SPATA16: variants seen among roughly 807,000 people sequenced by gnomAD.
The protein encoded by SPATA16 is spermatogenesis associated 16, also known as spermatogenesis-associated protein 16.
In SPATA16, 36 loss-of-function variants were observed where a neutral mutation model predicts 63.3. The observed-to-expected ratio is 0.57, with a 90% CI of 0.44 to 0.75. The LOEUF (loss-of-function observed/expected upper bound fraction) is 0.75. Ranked by LOEUF, SPATA16 falls within the 30% of genes least tolerant of loss-of-function variation. The pLI is 0.00. For missense variants in SPATA16, 646 were observed against 679.3 expected (o/e 0.95, Z 0.54); for synonymous variants, 203 against 216.7 (o/e 0.94, Z 0.56).
At chr3:173,037,504 T>G (rs1735740336) in intron 3 of SPATA16, among the ~76,000 whole-genome samples, 1 of 152,096 alleles carries the variant, frequency 6.6e-6, no homozygotes, top group Admixed American at 6.6e-5. Flanking sequence ...CTGTCTTCTG[T>G]GTCAAAGTCA....
chr3:173,119,009 T>A (rs1018393625), intron 1 of SPATA16, among the ~76,000 whole-genome samples: 2 of 152,204 alleles, frequency 1.3e-5, no homozygotes, highest in African/African-American at 4.8e-5. Flanking sequence ...TGTTGTTGAT[T>A]GTCTTCATTT....
intron 1 of SPATA16, among the ~76,000 whole-genome samples, chr3:173,134,491 AAAAG>A (rs1738481937): frequency 6.6e-6 from 1 of 152,014 alleles, no homozygotes; most frequent in Non-Finnish European, 1.5e-5. Context: ...TCTGCCTCAA[AAAAG>A]AAAAAAAAAA....
At chr3:173,006,845 G>GA (rs1249755908) in intron 4 of SPATA16, among the ~76,000 whole-genome samples, 56 of 145,574 alleles carry the variant, frequency 3.8e-4, no homozygotes, top group African/African-American at 1.1e-3. Context: ...TGTAAGCCAA[G>GA]AAAAAAAAAA....
chr3:173,129,644 T>G (rs1227928120), intron 1 of SPATA16, among the ~76,000 whole-genome samples: 1 of 152,008 alleles, frequency 6.6e-6, no homozygotes. Flanking sequence ...GATGACTTGT[T>G]TTACATTGTG....
chr3:173,001,268 G>GTTTTTTTTTTTTTTTTTTTTTT (rs776040026), intron 4 of SPATA16, among the ~76,000 whole-genome samples: 1 of 137,594 alleles, frequency 7.3e-6, no homozygotes, highest in African/African-American at 2.7e-5. Context: ...CTTCTCAGTT[G>GTTTTTTTTTTTTTTTTTTTTTT]TTTTTTTTTT....
intron 4 of SPATA16, among the ~76,000 whole-genome samples, chr3:172,994,753 T>G (rs1217503391): frequency 6.6e-6 from 1 of 152,188 alleles, no homozygotes; most frequent in East Asian, 1.9e-4. Context: ...TTTAATAAAT[T>G]AACAATATGG....
chr3:173,082,282 C>T (rs1736941683), intron 2 of SPATA16, among the ~76,000 whole-genome samples: 1 of 152,186 alleles, frequency 6.6e-6, no homozygotes, highest in Admixed American at 6.5e-5. Context: ...CCTACCTTGA[C>T]AAATATATCC....
chr3:173,048,901 C>A (rs914308897), intron 3 of SPATA16, 48 bp downstream of exon 3: 1 of 1,608,594 alleles, frequency 6.2e-7, no homozygotes, highest in South Asian at 1.1e-5. Flanking sequence ...TAGTACCCTC[C>A]ACTAGCATGA....
rs879279943 is a variant in SPATA16, at chr3:172,953,315, T to TGA, written c.1081+3361_1081+3362insTC. ...GATCCTCTTCTTGTCCTAAGGGTCC[T>TGA]GGCTTGCTGGAGAATGCAGCAAGGG... On this transcript the variant is annotated intron_variant, in intron 6 of 10. Coordinates refer to ENST00000351008, the MANE Select transcript of SPATA16 (RefSeq NM_031955.6). Among the ~76,000 whole-genome samples, 1,328 of 152,232 alleles carry TGA rather than the reference T, an allele frequency of 8.7e-3. 15 individuals carry two copies. The highest frequency in any genetic ancestry group is 0.076 in the South Asian group (365 of 4,818).
intron 4 of SPATA16, among the ~76,000 whole-genome samples, chr3:173,010,619 C>T (rs1482205110): frequency 6.6e-6 from 1 of 152,180 alleles, no homozygotes; most frequent in East Asian, 1.9e-4. Context: ...GCCGCAACTG[C>T]CCTGCAGACA....
intron 10 of SPATA16, among the ~76,000 whole-genome samples, chr3:172,903,514 G>A (rs1247554858): frequency 6.6e-6 from 1 of 152,182 alleles, no homozygotes; most frequent in Non-Finnish European, 1.5e-5. Context: ...GGTAAAACTT[G>A]GAGGGGTTAT....
At chr3:173,028,503 A>G (rs953276201) in intron 3 of SPATA16, among the ~76,000 whole-genome samples, 1 of 151,958 alleles carries the variant, frequency 6.6e-6, no homozygotes, top group African/African-American at 2.4e-5. Context: ...TGTCGATAAA[A>G]TTTTCAGACG....
At chr3:172,916,601 A>G in intron 8 of SPATA16, 120 bp from the exon 9 acceptor site, 1 of 1,077,544 alleles carries the variant, frequency 9.3e-7, no homozygotes, top group Middle Eastern at 2.5e-4. Flanking sequence ...GGAATCTAGT[A>G]CAAATACATG....
intron 2 of SPATA16, among the ~76,000 whole-genome samples, chr3:173,116,110 C>T (rs571797955): frequency 3.9e-5 from 6 of 152,128 alleles, no homozygotes; most frequent in Non-Finnish European, 7.4e-5. Flanking sequence ...CAGACTGGTC[C>T]AGAATTTCTG....
chr3:173,055,768 A>G (rs4894442), intron 2 of SPATA16, among the ~76,000 whole-genome samples: 8,063 of 152,262 alleles, frequency 0.053, 333 homozygotes, highest in Admixed American at 0.076. Flanking sequence ...AAAACGAGAA[A>G]TCTTAAGTTT....
In SPATA16 at chr3:172,952,397, C is replaced by T. The variant is rs182338895; in HGVS notation, c.1081+4280G>A. On this transcript the variant is annotated intron_variant, in intron 6 of 10. Transcript: ENST00000351008. ...TGTTCATGTGGGTATTCAGAGTATT[C>T]GGAGGGTGACCATCTACATGGACAT... Among the ~76,000 whole-genome samples, 521 of 152,128 alleles carry T rather than the reference C, an allele frequency of 3.4e-3. 1 individual carries two copies. Among genetic ancestry groups the T allele is most frequent in the Non-Finnish European group, 4.0e-3 (272 of 67,992 alleles).
intron 4 of SPATA16, among the ~76,000 whole-genome samples, chr3:173,009,941 A>C (rs1306680656): frequency 1.3e-5 from 2 of 152,204 alleles, no homozygotes; most frequent in Non-Finnish European, 2.9e-5. Flanking sequence ...ACTATATGCA[A>C]ATAAAGTTCC....
chr3:173,079,652 T>A (rs548375738), intron 2 of SPATA16, among the ~76,000 whole-genome samples: 1 of 152,316 alleles, frequency 6.6e-6, no homozygotes, highest in African/African-American at 2.4e-5. Flanking sequence ...TGAAGTGGTA[T>A]GCACCGGTTA....
intron 3 of SPATA16, among the ~76,000 whole-genome samples, chr3:173,045,305 C>T (rs1281969127): frequency 6.6e-6 from 1 of 152,042 alleles, no homozygotes; most frequent in East Asian, 1.9e-4. Context: ...GAAAAATAAA[C>T]CGAACAAAAA....
Sources: gnomAD v4.1 joint callset for allele counts (sites outside exome capture counted in the v4.1 genomes callset) on GRCh38, gnomAD v4.1.1 for gene constraint, MANE v1.5 for transcripts, NCBI Gene and HGNC (gene_info 2026-07-23, HGNC 2026-07-21) for gene names.